The following SMPDL3B variants were observed in gnomAD, a reference collection of about 807,000 sequenced individuals.
SMPDL3B encodes acid sphingomyelinase-like phosphodiesterase 3b.
In SMPDL3B, 31 loss-of-function variants were observed where a neutral mutation model predicts 37.9. The ratio of observed to expected loss-of-function variants is 0.82; its 90% CI spans 0.61 to 1.10. SMPDL3B has a LOEUF of 1.10. SMPDL3B is among the 50% of genes least tolerant of loss of function. The pLI is 0.00. For synonymous variants in SMPDL3B, 235 were observed against 242.6 expected, an observed-to-expected ratio of 0.97 and a Z score of 0.29; for missense variants, 525 against 597.8, an observed-to-expected ratio of 0.88 and a Z score of 1.27.
chr1:27,940,683 G>T (rs1183570378), intron 1 of SMPDL3B, among the ~76,000 whole-genome samples: 1 of 152,246 alleles, frequency 6.6e-6, no homozygotes, highest in South Asian at 2.1e-4. Context: ...GCTGAGATTG[G>T]TGTACCTTTC....
chr1:27,955,853 A>C lies in SMPDL3B; in HGVS notation c.860A>C (p.Tyr287Ser). Residue 287 changes from tyrosine to serine, a missense_variant, in exon 6 of 8, where the codon TAT becomes TCT. Tyr to Ser is a moderately radical substitution (Grantham distance 144). Transcript: ENST00000373894. ...HHHTDSFRML[Y>S]DDAGVPISAM... ...CACACCGACAGCTTTCGGATGCTCT[A>C]TGATGATGCAGGTATTCAACCTGGA... is the stretch of plus-strand genomic sequence containing the variant. The C allele has an allele frequency of 6.2e-7, 1 of 1,613,600 alleles. No homozygotes were observed. Among genetic ancestry groups the C allele is most frequent in the African/African-American group, 1.3e-5 (1 of 75,016 alleles).
chr1:27,958,688 C>T lies in SMPDL3B; in HGVS notation c.1218C>T (p.Asp406=), dbSNP rs529991638. Residue 406 remains aspartate (D), a synonymous_variant, in exon 8 of 8, where the codon GAC becomes GAT. Transcript: ENST00000373894. This position sits in a 1 kb window ranked among gnomAD's most constrained non-coding sequence, Gnocchi z 5.6. ...TCAGCTACTCTGCTGGGGTCTGCGA[C>T]GAGGCCTGCAGCATGCAGCACGTGT... ...NSVSYSAGVC[D]EACSMQHVCA... The T allele has an allele frequency of 1.2e-6, 2 of 1,613,952 alleles. No individual in the cohort carries two copies. The highest frequency in any genetic ancestry group is 1.1e-5 in the South Asian group (1 of 91,090).
At chr1:27,943,671 C>T (rs2090378795) in intron 1 of SMPDL3B, among the ~76,000 whole-genome samples, 1 of 152,128 alleles carries the variant, frequency 6.6e-6, no homozygotes, top group Non-Finnish European at 1.5e-5. Flanking sequence ...GAGGCCAGAT[C>T]TGCTCAACCC....
chr1:27,952,129 G>C (rs909070018), intron 3 of SMPDL3B, among the ~76,000 whole-genome samples: 2 of 152,046 alleles, frequency 1.3e-5, no homozygotes, highest in Non-Finnish European at 2.9e-5. Flanking sequence ...CACAGAAGCA[G>C]TGAAAACACA....
rs2090435004 is a variant in SMPDL3B, at chr1:27,949,173, G to A, written c.373+11G>A. On this transcript the variant is annotated intron_variant, in intron 3 of 7. Coordinates refer to ENST00000373894, the MANE Select transcript of SMPDL3B (RefSeq NM_014474.4). ...GAGAGGTCTTTCCAGGTAAGACTGT[G>A]CCATCAGTCCCTCCACAGTGTTCTC... is the stretch of plus-strand genomic sequence containing the variant. 6.2e-7 allele frequency: 1 copy of A among 1,613,916 alleles called. No homozygotes were observed. The highest frequency in any genetic ancestry group is 1.7e-5 in the Admixed American group (1 of 60,016).
intron 5 of SMPDL3B, among the ~76,000 whole-genome samples, chr1:27,955,012 C>T (rs2090488091): frequency 6.6e-6 from 1 of 152,238 alleles, no homozygotes; most frequent in Admixed American, 6.5e-5. Context: ...CATGAGCATG[C>T]ACTATGCCAA....
intron 1 of SMPDL3B, among the ~76,000 whole-genome samples, chr1:27,940,159 C>T (rs917090822): frequency 7.2e-5 from 11 of 152,128 alleles, no homozygotes; most frequent in African/African-American, 1.7e-4. Context: ...AAGGAGGAGG[C>T]GGGCCAGGAC....
intron 3 of SMPDL3B, among the ~76,000 whole-genome samples, chr1:27,949,674 A>T (rs1373129129): frequency 2.0e-5 from 3 of 152,164 alleles, no homozygotes; most frequent in Non-Finnish European, 4.4e-5. Context: ...GCCCTACGGG[A>T]CACTATAGGG....
intron 7 of SMPDL3B, among the ~76,000 whole-genome samples, chr1:27,956,891 G>T (rs1352566927): frequency 6.6e-6 from 1 of 152,050 alleles, no homozygotes; most frequent in Admixed American, 6.6e-5. Context: ...GGTGCCATTT[G>T]AGTTCTGAGT....
chr1:27,956,729 C>T (rs188374853), intron 7 of SMPDL3B, among the ~76,000 whole-genome samples: 395 of 152,294 alleles, frequency 2.6e-3, no homozygotes, highest in Middle Eastern at 0.014. Context: ...CTGGACCTGA[C>T]ATCTTACAGG....
chr1:27,954,228 C>T, intron 4 of SMPDL3B, 126 bp from the exon 5 acceptor site: 2 of 928,788 alleles, frequency 2.2e-6, no homozygotes, highest in South Asian at 3.3e-5. Flanking sequence ...ATTGATGTCC[C>T]ACCCATGGGA....
At chr1:27,950,743 G>C (rs957371451) in intron 3 of SMPDL3B, among the ~76,000 whole-genome samples, 1 of 152,122 alleles carries the variant, frequency 6.6e-6, no homozygotes, top group African/African-American at 2.4e-5. Flanking sequence ...TGATTCTCTT[G>C]CCTCAGCCTC....
rs755888421 is a variant in SMPDL3B, at chr1:27,956,093, C to A, written c.1005+11C>A. The A allele has an allele frequency of 6.2e-7, 1 of 1,614,152 alleles. No homozygotes were observed. Among genetic ancestry groups the A allele is most frequent in the South Asian group, 1.1e-5 (1 of 91,080 alleles). On this transcript the variant is annotated intron_variant, in intron 7 of 7. Transcript: ENST00000373894. ...ACACTGAGCCTGAAGGTCAGGAGTC[C>A]TGCGGAGGCCAGAGGAGGAGGGTGG... is the stretch of plus-strand genomic sequence containing the variant.
chr1:27,940,532 G>A (rs1162113750), intron 1 of SMPDL3B, among the ~76,000 whole-genome samples: 2 of 152,094 alleles, frequency 1.3e-5, no homozygotes, highest in Non-Finnish European at 2.9e-5. Flanking sequence ...AGGAGGAAAC[G>A]GGCCCAGGGG....
At chr1:27,955,190 G>T (rs766275639) in intron 5 of SMPDL3B, among the ~76,000 whole-genome samples, 1 of 152,158 alleles carries the variant, frequency 6.6e-6, no homozygotes, top group African/African-American at 2.4e-5. Flanking sequence ...TGTCTAAGCT[G>T]CAGTCTGACT....
At chr1:27,935,343 T>C in intron 1 of SMPDL3B, 99 bp downstream of exon 1, 3 of 897,076 alleles carry the variant, frequency 3.3e-6, no homozygotes, top group Non-Finnish European at 5.4e-6. Flanking sequence ...CTTCTAAAGA[T>C]AGCAAGGCAG....
intron 3 of SMPDL3B, among the ~76,000 whole-genome samples, chr1:27,952,968 T>C (rs1043154945): frequency 6.6e-6 from 1 of 152,194 alleles, no homozygotes; most frequent in African/African-American, 2.4e-5. Flanking sequence ...GCTTTCCTTC[T>C]AACTAGGAAA....
chr1:27,948,871 C>A, intron 2 of SMPDL3B, 194 bp from the exon 3 acceptor site: 1 of 977,288 alleles, frequency 1.0e-6, no homozygotes, highest in African/African-American at 1.6e-5. Context: ...TCAAGGGACC[C>A]ACAGCAGGAA....
At chr1:27,953,553 C>T (rs553060906) in intron 4 of SMPDL3B, among the ~76,000 whole-genome samples, 195 bp downstream of exon 4, 1 of 152,278 alleles carries the variant, frequency 6.6e-6, no homozygotes, top group East Asian at 1.9e-4. Flanking sequence ...TCCTCTAAAC[C>T]CCACGACACT....
Sources: allele counts gnomAD v4.1 joint callset (sites outside exome capture counted in the v4.1 genomes callset), GRCh38; gene constraint gnomAD v4.1.1; non-coding constraint Gnocchi (gnomAD v3.1); transcripts MANE v1.5; gene names NCBI Gene and HGNC (gene_info 2026-07-23, HGNC 2026-07-21).